The following PCSK5 variants were observed in gnomAD, a reference collection of about 807,000 sequenced individuals.
PCSK5 encodes the protein prohormone convertase 5.
PCSK5 carries 129 observed loss-of-function variants against 233.2 expected under a neutral mutation model. That is an observed-to-expected ratio of 0.55 (90% confidence interval 0.48 to 0.64). The LOEUF (loss-of-function observed/expected upper bound fraction) is 0.64, where lower values mean the gene tolerates loss of function less well. Ranked by LOEUF, PCSK5 falls within the 30% of genes least tolerant of loss-of-function variation. PCSK5 has a pLI of 0.00. For synonymous variants in PCSK5, 825 were observed against 879.2 expected (o/e 0.94, Z 1.09); for missense variants, 2,076 against 2,430.1 (o/e 0.85, Z 3.06).
chr9:75,893,223 A>G (rs1825683221), intron 1 of PCSK5, among the ~76,000 whole-genome samples: 1 of 152,104 alleles, frequency 6.6e-6, no homozygotes, highest in Non-Finnish European at 1.5e-5. Flanking sequence ...TTCTTTCTTA[A>G]TCTCAAAACA....
At chr9:76,010,608 CTT>C (rs1827689996) in intron 3 of PCSK5, among the ~76,000 whole-genome samples, 1 of 152,202 alleles carries the variant, frequency 6.6e-6, no homozygotes, top group Non-Finnish European at 1.5e-5. Flanking sequence ...CTTTCAACAT[CTT>C]TCTCCACTTT....
chr9:76,357,976 T>C (rs1830343786), intron 37 of PCSK5, among the ~76,000 whole-genome samples: 1 of 152,186 alleles, frequency 6.6e-6, no homozygotes, highest in African/African-American at 2.4e-5. Context: ...AATAGAGCAT[T>C]TAGCAATAAC....
At chr9:76,058,264 C>T (rs576952139) in intron 5 of PCSK5, among the ~76,000 whole-genome samples, 2 of 152,258 alleles carry the variant, frequency 1.3e-5, no homozygotes, top group East Asian at 3.9e-4. Flanking sequence ...GAGCAACCAA[C>T]CTCATCCAGC....
chr9:76,125,522 A>G (rs975478570), intron 9 of PCSK5, among the ~76,000 whole-genome samples: 1 of 152,248 alleles, frequency 6.6e-6, no homozygotes, highest in Non-Finnish European at 1.5e-5. Context: ...AATGAAAGTA[A>G]TAACAGTATT....
At chr9:75,986,717 TA>T (rs1453786578) in intron 3 of PCSK5, among the ~76,000 whole-genome samples, 4 of 152,226 alleles carry the variant, frequency 2.6e-5, no homozygotes, top group African/African-American at 9.6e-5. Context: ...ACTCTCACTT[TA>T]GGTAATACTT....
intron 9 of PCSK5, 34 bp downstream of exon 9, chr9:76,107,385 A>G: frequency 5.0e-6 from 7 of 1,410,544 alleles, no homozygotes; most frequent in Non-Finnish European, 7.0e-6. Context: ...TTCAATGGTG[A>G]CAACCCCTGA....
intron 3 of PCSK5, among the ~76,000 whole-genome samples, chr9:76,001,468 CT>C (rs34379742): frequency 0.13 from 10,846 of 86,678 alleles, 161 homozygotes; most frequent in Middle Eastern, 0.26. Flanking sequence ...ACCATCATAG[CT>C]TTTTTTTTTT....
intron 7 of PCSK5, among the ~76,000 whole-genome samples, chr9:76,082,618 TC>T (rs1830888213): frequency 6.6e-6 from 1 of 151,874 alleles, no homozygotes; most frequent in African/African-American, 2.4e-5. Flanking sequence ...GAAAGTCCCT[TC>T]AGTTTACACA....
In PCSK5 at chr9:76,260,315, A is replaced by G. The variant is rs778525200; in HGVS notation, c.3142+19631A>G. Among the ~76,000 whole-genome samples the G allele has an allele frequency of 1.1e-4, 17 of 152,328 alleles. 1 individual carries two copies. The highest frequency in any genetic ancestry group is 4.1e-4 in the African/African-American group (17 of 41,582). ...GCTCAAATCCTCAGAGCCTATGAAT[A>G]TGTAACCCTACACAGCAAGAGGACT... is the stretch of plus-strand genomic sequence containing the variant. On this transcript the variant is annotated intron_variant, in intron 24 of 37. Coordinates refer to ENST00000674117, the MANE Select transcript of PCSK5 (RefSeq NM_001372043.1).
intron 24 of PCSK5, among the ~76,000 whole-genome samples, chr9:76,291,290 T>C (rs1443568656): frequency 6.6e-6 from 1 of 152,166 alleles, no homozygotes; most frequent in Non-Finnish European, 1.5e-5. Context: ...GAGGGCAGAA[T>C]AGATTAGAAA....
In PCSK5 at chr9:76,239,003, G is replaced by A. The variant is rs1826342828; in HGVS notation, c.2911G>A (p.Asp971Asn). The A allele has an allele frequency of 6.2e-7, 1 of 1,612,218 alleles. No homozygotes were observed. The highest frequency in any genetic ancestry group is 1.1e-5 in the South Asian group (1 of 90,826). ...CTTCCTGTACCAGGGAGAGTGTGGA[G>A]ATAGCTGCCCAGAGGGCCACTATGC... ...EHFLYQGECG[D>N]SCPEGHYATE... The change falls in exon 23 of 38, where the codon GAT becomes AAT. Residue 971 changes from aspartate to asparagine, a missense_variant. Coordinates refer to ENST00000674117, the MANE Select transcript of PCSK5 (RefSeq NM_001372043.1).
chr9:75,983,223 GCAACAGC>G (rs1826357127), intron 2 of PCSK5, among the ~76,000 whole-genome samples: 1 of 152,074 alleles, frequency 6.6e-6, no homozygotes, highest in Non-Finnish European at 1.5e-5. Context: ...CATTTTTAAA[GCAACAGC>G]ATAATTTGTT....
At position 76,350,836 on chromosome 9, in the gene PCSK5, G is replaced by A. The variant is rs1830102513; in HGVS notation, c.4975G>A (p.Ala1659Thr). 1.9e-6 allele frequency: 3 copies of A among 1,589,696 alleles called. No individual in the cohort carries two copies. In the South Asian group the frequency reaches 3.3e-5, roughly 18 times the overall value. Residue 1659 changes from alanine (A) to threonine (T), a missense_variant, in exon 36 of 38, where the codon GCG becomes ACG. By Grantham distance (58) the Ala-to-Thr change is moderately conservative. Around this residue, in one of 6 missense-constraint regions of PCSK5, gnomAD observed 1,510 missense variants for 1,538.1 expected, o/e 0.98. Transcript: ENST00000674117. ...PTCDQCKGKG[A>T]LNCLSCVWSY... ...AATGTTTTCTCTTTCAGGAAAAGGA[G>A]CGTTGAATTGTTTATCCTGTGTGTG...
intron 2 of PCSK5, among the ~76,000 whole-genome samples, chr9:75,957,581 A>G (rs1825150004): frequency 6.6e-6 from 1 of 152,152 alleles, no homozygotes; most frequent in African/African-American, 2.4e-5. Context: ...GAGGAGCACA[A>G]TCCTGCCTCT....
At chr9:76,099,056 C>G (rs748581080) in intron 8 of PCSK5, among the ~76,000 whole-genome samples, 5 of 152,196 alleles carry the variant, frequency 3.3e-5, no homozygotes, top group East Asian at 1.9e-4. Flanking sequence ...CTTGTGATTT[C>G]AAAGCCTTCT....
chr9:76,026,035 C>A (rs1184335565), intron 4 of PCSK5, among the ~76,000 whole-genome samples: 2 of 152,072 alleles, frequency 1.3e-5, no homozygotes, highest in African/African-American at 2.4e-5. Context: ...ATAGGAGATA[C>A]AGGGTATAGT....
At chr9:76,194,019 T>G (rs1471964172) in intron 20 of PCSK5, 1 of 152,430 alleles carries the variant, frequency 6.6e-6, no homozygotes, top group Non-Finnish European at 1.5e-5. Context: ...ACTGGTTTCA[T>G]CAGATAGACT....
At chr9:76,252,020 C>A (rs890329946) in intron 24 of PCSK5, among the ~76,000 whole-genome samples, 4 of 152,086 alleles carry the variant, frequency 2.6e-5, no homozygotes, top group African/African-American at 7.2e-5. Flanking sequence ...GTAATCCCAG[C>A]ACTTTGGGAG....
At position 76,281,638 on chromosome 9, in the gene PCSK5, T is replaced by C. The variant is rs545272607; in HGVS notation, c.3143-10595T>C. On this transcript the variant is annotated intron_variant, in intron 24 of 37. Transcript: ENST00000674117. ...ATTCTGCAGCCCATGGATTGAAGAG[T>C]AATTTCAAATTTCAAGTATTATTAT... is the stretch of plus-strand genomic sequence containing the variant. 2.0e-4 allele frequency among the ~76,000 whole-genome samples: 31 copies of C among 152,166 alleles called. No homozygotes were observed. In the South Asian group the frequency reaches 6.2e-3, roughly 31 times the overall value.
Sources: allele counts gnomAD v4.1 joint callset (sites outside exome capture counted in the v4.1 genomes callset), GRCh38; gene constraint gnomAD v4.1.1; regional missense constraint gnomAD v4.1.1; transcripts MANE v1.5; gene names NCBI Gene and HGNC (gene_info 2026-07-23, HGNC 2026-07-21).